The following SLF1 variants were observed in gnomAD, a reference collection of about 807,000 sequenced individuals.
SLF1 encodes SMC5/6 complex localization factor 1, also known as SMC5-SMC6 complex localization factor protein 1.
In SLF1, 105 loss-of-function variants were observed where a neutral mutation model predicts 123.0. That is an observed-to-expected ratio of 0.85 (90% CI 0.73 to 1.00). The LOEUF (loss-of-function observed/expected upper bound fraction) is 1.00, where lower values mean the gene tolerates loss of function less well. SLF1 is among the 50% of genes least tolerant of loss of function. SLF1 has a pLI of 0.00. For missense variants in SLF1, 1,239 were observed against 1,223.0 expected, an observed-to-expected ratio of 1.01 and a Z score of -0.20; for synonymous variants, 434 against 406.6, an observed-to-expected ratio of 1.07 and a Z score of -0.81.
chr5:94,665,095 A>G (rs557739248), intron 11 of SLF1, among the ~76,000 whole-genome samples: 64 of 152,344 alleles, frequency 4.2e-4, no homozygotes, highest in African/African-American at 1.2e-3. Context: ...TTTGAACTAC[A>G]TAATCTCATT....
At chr5:94,649,711 C>A in intron 6 of SLF1, 114 bp downstream of exon 6, 1 of 1,015,252 alleles carries the variant, frequency 9.8e-7, no homozygotes, top group Non-Finnish European at 1.4e-6. Context: ...GTGTTTGAAC[C>A]ATGTGTTTAT....
At chr5:94,620,547 A>G (rs1376834886) in intron 1 of SLF1, among the ~76,000 whole-genome samples, 1 of 152,178 alleles carries the variant, frequency 6.6e-6, no homozygotes, top group East Asian at 1.9e-4. Flanking sequence ...TTTCCTTATT[A>G]TATGTATCTT....
chr5:94,624,988 C>G (rs1446889752), intron 1 of SLF1, among the ~76,000 whole-genome samples: 1 of 151,078 alleles, frequency 6.6e-6, no homozygotes, highest in Non-Finnish European at 1.5e-5. Flanking sequence ...AGATCGAGAC[C>G]ATCCTAGATA....
chr5:94,629,185 C>T lies in SLF1; in HGVS notation c.190+18C>T. On this transcript the variant is annotated intron_variant, in intron 3 of 20. Transcript: ENST00000265140. The stretch of plus-strand genomic sequence containing the variant: ...TGCGGCAGGTAAGTTAACTGTCTTC[C>T]CCCAACTTTTAAAAACAATCTTCGT... 6.5e-7 allele frequency: 1 copy of T among 1,533,180 alleles called. No homozygotes were observed. Among genetic ancestry groups the T allele is most frequent in the Non-Finnish European group, 8.8e-7 (1 of 1,137,844 alleles). The allele number at this position is 1,533,180 out of a possible 1,614,324, so 95.0% of individuals were successfully genotyped here. A position where few individuals can be genotyped will look rare whatever the true frequency, so the allele number is the denominator to read the frequency against.
intron 1 of SLF1, among the ~76,000 whole-genome samples, chr5:94,624,033 A>G (rs961220587): frequency 2.0e-5 from 3 of 152,116 alleles, no homozygotes; most frequent in Non-Finnish European, 2.9e-5. Context: ...TATTCTAGAA[A>G]ACTGTTACAA....
Position 94,686,590 on chromosome 5 carries a change from T to G in SLF1, c.1993T>G (p.Leu665Val). 6.2e-7 allele frequency: 1 copy of G among 1,613,924 alleles called. No homozygotes were observed. ...LSCDDFSSQE[L>V]EIFICSFSSS... is the part of the protein sequence containing the mutation. ...TTCTCCAGACTTTTCTTCACAGGAA[T>G]TAGAGATTTTCATTTGCTCCTTTTC... The change falls in exon 16 of 21, where the codon TTA becomes GTA. Residue 665 changes from leucine (L) to valine (V), a missense_variant. Coordinates refer to ENST00000265140, the MANE Select transcript of SLF1 (RefSeq NM_032290.4).
At chr5:94,659,888 G>C (rs919542849) in intron 9 of SLF1, among the ~76,000 whole-genome samples, 8 of 152,160 alleles carry the variant, frequency 5.3e-5, no homozygotes, top group African/African-American at 1.9e-4. Context: ...CATGGCATTC[G>C]TGATGGCAGT....
chr5:94,649,620 C>A (rs541764881), intron 6 of SLF1, 23 bp downstream of exon 6: 2 of 1,434,190 alleles, frequency 1.4e-6, no homozygotes, highest in Admixed American at 5.0e-5. Context: ...GGCTGAAAAA[C>A]ATACATTTCT....
chr5:94,639,090 G>T, intron 4 of SLF1, among the ~76,000 whole-genome samples: 1 of 137,258 alleles, frequency 7.3e-6, no homozygotes, highest in African/African-American at 2.8e-5. Flanking sequence ...GCTCAGGCTG[G>T]AGTGCAGTGG....
chr5:94,669,301 C>G (rs370585558), intron 12 of SLF1, among the ~76,000 whole-genome samples: 22 of 152,158 alleles, frequency 1.4e-4, no homozygotes, highest in African/African-American at 4.8e-4. Context: ...GTTAAAGCTA[C>G]TAAGGACTCT....
chr5:94,650,606 C>T (rs1323411329), intron 6 of SLF1, among the ~76,000 whole-genome samples: 8 of 152,056 alleles, frequency 5.3e-5, no homozygotes, highest in African/African-American at 9.7e-5. Context: ...CCTCGTGATC[C>T]GCCCGCCTCG....
intron 1 of SLF1, among the ~76,000 whole-genome samples, chr5:94,622,698 G>A (rs1197803551): frequency 1.3e-5 from 2 of 151,810 alleles, no homozygotes; most frequent in African/African-American, 2.4e-5. Context: ...GGTTATTTTG[G>A]GGGGAAAACT....
At position 94,689,505 on chromosome 5, in the gene SLF1, T is replaced by C; in HGVS notation, c.2318T>C (p.Leu773Ser). Residue 773 changes from leucine to serine, a missense_variant, in exon 18 of 21, where the codon TTA becomes TCA. Transcript: ENST00000265140. ...DLNLAKCSSS[L>S]KKLKKKSEGE... is the part of the protein sequence containing the mutation. ...AACCTTGCTAAATGTTCCTCATCAT[T>C]AAAAAAATTGAAAAAGAAGTCAGAA... 6.2e-7 allele frequency: 1 copy of C among 1,612,622 alleles called. No homozygotes were observed. Among genetic ancestry groups the C allele is most frequent in the Non-Finnish European group, 8.5e-7 (1 of 1,179,158 alleles).
intron 1 of SLF1, among the ~76,000 whole-genome samples, chr5:94,623,180 G>A (rs1221250625): frequency 6.6e-6 from 1 of 152,040 alleles, no homozygotes; most frequent in East Asian, 1.9e-4. Context: ...ATTTTGGACT[G>A]GCACCAACTA....
chr5:94,666,163 A>G, intron 12 of SLF1, 139 bp downstream of exon 12: 1 of 791,078 alleles, frequency 1.3e-6, no homozygotes, highest in Non-Finnish European at 1.8e-6. Context: ...TATTGTATTT[A>G]TTGCAAAACT....
In SLF1 at chr5:94,663,860, T is replaced by C. The variant is rs1749422437; in HGVS notation, c.1320T>C (p.Tyr440=). ...AACTTTCCACTTTGCAGGCACATTA[T>C]ATCCCTCCTGTATGCGTTCTTCATG... is the stretch of plus-strand genomic sequence containing the variant. The part of the protein sequence containing the change: ...IEELSTLQAH[Y]IPPVCVLHAL... The change falls in exon 11 of 21, where the codon TAT becomes TAC. Residue 440 remains tyrosine, a synonymous_variant. Transcript: ENST00000265140. 1 of 1,550,878 alleles carries C rather than the reference T, an allele frequency of 6.4e-7. No homozygotes were observed. Among genetic ancestry groups the C allele is most frequent in the Middle Eastern group, 1.7e-4 (1 of 5,984 alleles).
intron 3 of SLF1, 92 bp from the exon 4 acceptor site, chr5:94,630,411 T>G: frequency 7.3e-7 from 1 of 1,379,072 alleles, no homozygotes; most frequent in South Asian, 1.5e-5. Flanking sequence ...AGTCTTATCT[T>G]GAAAAAGGTT....
intron 9 of SLF1, among the ~76,000 whole-genome samples, chr5:94,659,625 G>T (rs1748834059): frequency 6.6e-6 from 1 of 152,206 alleles, no homozygotes; most frequent in African/African-American, 2.4e-5. Flanking sequence ...GTTTGTCAGT[G>T]GCTTAGGCTA....
chr5:94,619,919 G>A (rs1316130656), intron 1 of SLF1: 1 of 151,962 alleles, frequency 6.6e-6, no homozygotes, highest in African/African-American at 2.4e-5. Context: ...GCCTTGCTCT[G>A]TTGCCCAGGC....
Sources: gnomAD v4.1 joint callset for allele counts (sites outside exome capture counted in the v4.1 genomes callset) on GRCh38, gnomAD v4.1.1 for gene constraint, MANE v1.5 for transcripts, NCBI Gene and HGNC (gene_info 2026-07-23, HGNC 2026-07-21) for gene names.